The following VDAC3 variants were observed in gnomAD, a reference collection of about 807,000 sequenced individuals.
The protein encoded by VDAC3 is non-selective voltage-gated ion channel VDAC3.
VDAC3 carries 7 observed loss-of-function variants against 33.9 expected under a neutral mutation model. The observed-to-expected ratio is 0.21, with a 90% CI of 0.12 to 0.39. The LOEUF (loss-of-function observed/expected upper bound fraction) is 0.39. Among genes scored for constraint, VDAC3 ranks in the 10% least tolerant of loss-of-function variants. The pLI is 1.00. For synonymous variants in VDAC3, 100 were observed against 122.4 expected (o/e 0.82, Z 1.21); for missense variants, 261 against 334.5 (o/e 0.78, Z 1.71).
intron 1 of VDAC3, among the ~76,000 whole-genome samples, chr8:42,392,187 C>T (rs1334294916): frequency 3.9e-5 from 6 of 152,350 alleles, no homozygotes; most frequent in East Asian, 3.9e-4. Context: ...CCGCACTTTC[C>T]TCCCAGGGGT....
intron 3 of VDAC3, 112 bp downstream of exon 3, chr8:42,394,390 A>G: frequency 1.1e-6 from 1 of 938,504 alleles, no homozygotes; most frequent in South Asian, 1.6e-5. Context: ...ATTCCACTTC[A>G]CAAGATTTAA....
At chr8:42,393,984 A>G in intron 2 of VDAC3, 100 bp downstream of exon 2, 2 of 470,098 alleles carry the variant, frequency 4.3e-6, no homozygotes, top group Non-Finnish European at 3.8e-6. Context: ...CAGAAAGATG[A>G]CCTCTGAATC....
chr8:42,400,121 A>T (rs1157525485), intron 6 of VDAC3, among the ~76,000 whole-genome samples: 2 of 152,108 alleles, frequency 1.3e-5, no homozygotes, highest in Admixed American at 1.3e-4. Context: ...GCGGATCATG[A>T]GGTCCGGAGA....
intron 3 of VDAC3, 87 bp downstream of exon 3, chr8:42,394,365 G>A: frequency 1.7e-6 from 2 of 1,145,670 alleles, no homozygotes; most frequent in Admixed American, 4.0e-5. Flanking sequence ...AGTAAAATAA[G>A]GGTAAGTCAG....
chr8:42,404,140 A>G (rs1370680508), intron 8 of VDAC3, among the ~76,000 whole-genome samples: 1 of 152,106 alleles, frequency 6.6e-6, no homozygotes, highest in Non-Finnish European at 1.5e-5. Context: ...CAACCACTCC[A>G]TGTGGCGATT....
At chr8:42,399,868 C>G (rs1802385694) in intron 6 of VDAC3, among the ~76,000 whole-genome samples, 165 bp downstream of exon 6, 1 of 152,014 alleles carries the variant, frequency 6.6e-6, no homozygotes, top group African/African-American at 2.4e-5. Flanking sequence ...AAGGAAGATC[C>G]CTCCCCACCA....
chr8:42,394,159 A>G, intron 2 of VDAC3, 51 bp from the exon 3 acceptor site: 1 of 1,534,810 alleles, frequency 6.5e-7, no homozygotes, highest in Non-Finnish European at 9.0e-7. Context: ...CTGTGGGTGA[A>G]TAAATACTAA....
At chr8:42,402,106 T>C (rs1802425201) in intron 7 of VDAC3, 91 bp downstream of exon 7, 1 of 1,315,720 alleles carries the variant, frequency 7.6e-7, no homozygotes, top group Non-Finnish European at 1.1e-6. Context: ...TACTCAGATT[T>C]AGCATGCCTT....
intron 7 of VDAC3, 119 bp downstream of exon 7, chr8:42,402,134 G>C: frequency 9.0e-7 from 1 of 1,109,322 alleles, no homozygotes; most frequent in Non-Finnish European, 1.3e-6. Context: ...ATCCATCCTT[G>C]CGGTGCTATC....
At chr8:42,401,730 C>A in intron 6 of VDAC3, 58 bp from the exon 7 acceptor site, 1 of 1,518,106 alleles carries the variant, frequency 6.6e-7, no homozygotes, top group South Asian at 1.1e-5. Flanking sequence ...AATTCCTAGA[C>A]AGTAGTAAGA....
chr8:42,402,941 A>AT (rs1563423317), intron 7 of VDAC3: 8 of 186,722 alleles, frequency 4.3e-5, no homozygotes, highest in Admixed American at 1.7e-4. Context: ...CTACCTTTTT[A>AT]TTTTTTTGCA....
intron 6 of VDAC3, among the ~76,000 whole-genome samples, chr8:42,400,261 C>G (rs1228108685): frequency 6.6e-6 from 1 of 151,580 alleles, no homozygotes; most frequent in Non-Finnish European, 1.5e-5. Context: ...TGGCATGAAC[C>G]CAGGAGGCGG....
At chr8:42,405,187 C>T (rs1802478708) in intron 9 of VDAC3, among the ~76,000 whole-genome samples, 184 bp from the exon 10 acceptor site, 1 of 152,178 alleles carries the variant, frequency 6.6e-6, no homozygotes, top group African/African-American at 2.4e-5. Flanking sequence ...GAAAGTTTGC[C>T]ATGATCATGC....
At chr8:42,396,624 A>C in intron 4 of VDAC3, 1 of 680,954 alleles carries the variant, frequency 1.5e-6, no homozygotes, top group Non-Finnish European at 2.6e-6. Flanking sequence ...AAAAATTATC[A>C]ACTAAAATTT....
intron 5 of VDAC3, 35 bp from the exon 6 acceptor site, chr8:42,399,616 T>G: frequency 1.3e-6 from 2 of 1,574,376 alleles, no homozygotes; most frequent in Non-Finnish European, 1.7e-6. Context: ...TGATTGAAAA[T>G]TACTAATTAT....
At chr8:42,401,455 A>G (rs1230805495) in intron 6 of VDAC3, among the ~76,000 whole-genome samples, 1 of 152,226 alleles carries the variant, frequency 6.6e-6, no homozygotes, top group African/African-American at 2.4e-5. Flanking sequence ...TTGGCCTCCC[A>G]AAGTGCTGGG....
chr8:42,401,385 C>T (rs534474728), intron 6 of VDAC3, among the ~76,000 whole-genome samples: 18 of 152,176 alleles, frequency 1.2e-4, no homozygotes, highest in African/African-American at 3.9e-4. Context: ...TTAGTAGAAA[C>T]GGGGTTTCAC....
chr8:42,398,669 T>C, intron 4 of VDAC3, 43 bp from the exon 5 acceptor site: 1 of 1,588,996 alleles, frequency 6.3e-7, no homozygotes, highest in South Asian at 1.1e-5. Context: ...ATTTTCTATT[T>C]GATGAGCTAA....
At chr8:42,403,621 T>C (rs777914076) in intron 8 of VDAC3, among the ~76,000 whole-genome samples, 160 bp downstream of exon 8, 1 of 152,234 alleles carries the variant, frequency 6.6e-6, no homozygotes, top group Admixed American at 6.5e-5. Flanking sequence ...CACGCCTGTA[T>C]TCCCAGCACT....
Sources: gnomAD v4.1 joint callset for allele counts (sites outside exome capture counted in the v4.1 genomes callset) on GRCh38, gnomAD v4.1.1 for gene constraint, MANE v1.5 for transcripts, NCBI Gene and HGNC (gene_info 2026-07-23, HGNC 2026-07-21) for gene names.